The following UBQLN1 variants were observed in gnomAD, a reference collection of about 807,000 sequenced individuals.
UBQLN1 encodes the protein ubiquilin-1.
Under a neutral mutation model 65.4 loss-of-function variants are expected in UBQLN1, and 13 were observed. That is an observed-to-expected ratio of 0.20 (90% CI 0.13 to 0.32). The LOEUF (loss-of-function observed/expected upper bound fraction) is 0.32, where lower values mean the gene tolerates loss of function less well. UBQLN1 is among the 10% of genes least tolerant of loss of function. The pLI is 1.00. For missense variants in UBQLN1, 561 were observed against 724.0 expected (o/e 0.77, Z 2.58); for synonymous variants, 267 against 247.8 (o/e 1.08, Z -0.73).
chr9:83,703,883 T>C (rs901366757), intron 1 of UBQLN1, among the ~76,000 whole-genome samples: 1 of 152,088 alleles, frequency 6.6e-6, no homozygotes, highest in Admixed American at 6.5e-5. Context: ...AATGGAAAAA[T>C]AGGAAAATAA....
chr9:83,665,509 A>C (rs920475353), intron 8 of UBQLN1: 9 of 175,436 alleles, frequency 5.1e-5, no homozygotes, highest in Non-Finnish European at 1.1e-4. Context: ...AAAAAGCCAC[A>C]TATTCCACCT....
At chr9:83,684,819 A>C (rs1476155245) in intron 2 of UBQLN1, among the ~76,000 whole-genome samples, 1 of 151,320 alleles carries the variant, frequency 6.6e-6, no homozygotes, top group African/African-American at 2.4e-5. Flanking sequence ...TCAAAAAAAA[A>C]AAAAAAAAAG....
intron 7 of UBQLN1, chr9:83,668,330 G>A (rs1831675805): frequency 1.0e-6 from 1 of 985,020 alleles, no homozygotes; most frequent in African/African-American, 1.7e-5. Flanking sequence ...AAAATTTAAG[G>A]GATGAGATTA....
At chr9:83,698,789 T>G (rs1832263691) in intron 1 of UBQLN1, among the ~76,000 whole-genome samples, 2 of 152,060 alleles carry the variant, frequency 1.3e-5, no homozygotes, top group Non-Finnish European at 2.9e-5. Context: ...GATGTGAGCT[T>G]GCAGTCCCAG....
At chr9:83,707,446 G>A (rs562973234) in intron 1 of UBQLN1, 54 bp downstream of exon 1, 2 of 1,534,312 alleles carry the variant, frequency 1.3e-6, no homozygotes, top group African/African-American at 2.8e-5. Context: ...CTGGGGCGGC[G>A]GGCGGAGGTC....
At chr9:83,686,393 AAAAACAAAAC>A (rs1832040836) in intron 1 of UBQLN1, among the ~76,000 whole-genome samples, 1 of 152,172 alleles carries the variant, frequency 6.6e-6, no homozygotes, top group South Asian at 2.1e-4. Flanking sequence ...TCCCGCCTCT[AAAAACAAAAC>A]AAAACAAAAA....
intron 5 of UBQLN1, 42 bp from the exon 6 acceptor site, chr9:83,678,003 G>C: frequency 8.4e-7 from 1 of 1,190,552 alleles, no homozygotes; most frequent in Non-Finnish European, 1.2e-6. Context: ...ATAAGCTTTT[G>C]TTTTAAATAA....
chr9:83,664,851 C>T (rs539427186), intron 9 of UBQLN1, among the ~76,000 whole-genome samples, 179 bp downstream of exon 9: 3 of 142,272 alleles, frequency 2.1e-5, no homozygotes, highest in South Asian at 4.5e-4. Flanking sequence ...CCCGAGAGGT[C>T]GAGGCTGCAG....
intron 1 of UBQLN1, among the ~76,000 whole-genome samples, chr9:83,689,166 TATAAC>T (rs1832087657): frequency 6.6e-6 from 1 of 152,230 alleles, no homozygotes; most frequent in Non-Finnish European, 1.5e-5. Context: ...AATGCAATAT[TATAAC>T]ATATGGTCTT....
intron 3 of UBQLN1, 54 bp downstream of exon 3, chr9:83,682,897 G>A (rs1831968305): frequency 7.4e-6 from 7 of 941,448 alleles, no homozygotes; most frequent in Admixed American, 4.6e-5. Context: ...AACTACCCAG[G>A]AAGGGAAAGG....
intron 7 of UBQLN1, chr9:83,667,965 T>G: frequency 1.0e-6 from 1 of 985,304 alleles, no homozygotes; most frequent in Non-Finnish European, 1.2e-6. Context: ...TTTACTAAAG[T>G]AAGATTATTA....
chr9:83,697,551 C>CAAAA lies in UBQLN1; in HGVS notation c.180+9945_180+9948dup, dbSNP rs750268209. Among the ~76,000 whole-genome samples the CAAAA allele has an allele frequency of 2.0e-3, 69 of 34,466 alleles. 8 individuals carry two copies. The highest frequency in any genetic ancestry group is 2.8e-3 in the African/African-American group (25 of 9,034). The allele number at this position is 34,466 out of a possible 152,430, so 22.6% of individuals were successfully genotyped here. On this transcript the variant is annotated intron_variant, in intron 1 of 10. Transcript: ENST00000376395. Reference sequence around the variant, plus strand: ...GGGGCAACAGTGCAAGACACTGTCTCAAAAAAAAAAAAAAAAAAAAAAAAA... The same window carrying CAAAA: ...GGGGCAACAGTGCAAGACACTGTCTCAAAAAAAAAAAAAAAAAAAAAAAAAAAAA...
chr9:83,671,545 C>T (rs1831730852), intron 6 of UBQLN1, among the ~76,000 whole-genome samples: 1 of 152,174 alleles, frequency 6.6e-6, no homozygotes, highest in Non-Finnish European at 1.5e-5. Context: ...TGGGTGACTA[C>T]ATGCACTGTC....
At chr9:83,674,353 T>C (rs1042302122) in intron 6 of UBQLN1, among the ~76,000 whole-genome samples, 6 of 152,132 alleles carry the variant, frequency 3.9e-5, no homozygotes, top group Non-Finnish European at 8.8e-5. Context: ...ACAACATATA[T>C]AAGCACTGCC....
intron 1 of UBQLN1, among the ~76,000 whole-genome samples, chr9:83,701,827 A>C (rs1205410072): frequency 3.3e-5 from 5 of 152,176 alleles, no homozygotes; most frequent in Non-Finnish European, 7.3e-5. Flanking sequence ...ACCCAAGAAA[A>C]ATGAAAACGT....
Position 83,660,386 on chromosome 9 carries a change from A to T in UBQLN1, c.*1401T>A, listed in dbSNP as rs888951287. 3.9e-5 allele frequency: 6 copies of T among 152,680 alleles called. No individual in the cohort carries two copies. The highest frequency in any genetic ancestry group is 1.4e-4 in the African/African-American group (6 of 41,468). 9.5% of individuals were successfully genotyped at this position (152,680 alleles called of 1,614,324 possible). A position where few individuals can be genotyped will look rare whatever the true frequency, so the allele number is the denominator to read the frequency against. On this transcript the variant is annotated 3_prime_UTR_variant, in exon 11 of 11. Transcript: ENST00000376395. ...ATCACCTAAGAGAATACTGAACCAG[A>T]GTCAGCCAAATGTATCACTGACCCT...
intron 1 of UBQLN1, among the ~76,000 whole-genome samples, chr9:83,698,693 C>T (rs1211871104): frequency 1.3e-5 from 2 of 152,058 alleles, no homozygotes; most frequent in African/African-American, 2.4e-5. Flanking sequence ...GGGGGCAGAT[C>T]GCTTGAGCTC....
Position 83,666,287 on chromosome 9 carries a change from T to C in UBQLN1, c.1332+63A>G, listed in dbSNP as rs1831642037. ...AGCCAGAGAAGAGCAAGGAAAAATG[T>C]TTATCATCAAATTTTTTCAAGCAAA... On this transcript the variant is annotated intron_variant, in intron 8 of 10. Coordinates refer to ENST00000376395, the MANE Select transcript of UBQLN1 (RefSeq NM_013438.5). The C allele has an allele frequency of 2.6e-6, 4 of 1,520,418 alleles. No individual in the cohort carries two copies. The Admixed American group carries it at 6.7e-5, about 25-fold the overall frequency. 94.2% of individuals were successfully genotyped at this position (1,520,418 alleles called of 1,614,324 possible).
chr9:83,666,475 G>A (rs765593628), intron 7 of UBQLN1, 42 bp from the exon 8 acceptor site: 1 of 1,582,190 alleles, frequency 6.3e-7, no homozygotes, highest in East Asian at 2.2e-5. Flanking sequence ...GGAAATATCT[G>A]AAACAAGTAA....
Sources: gnomAD v4.1 joint callset for allele counts (sites outside exome capture counted in the v4.1 genomes callset) on GRCh38, gnomAD v4.1.1 for gene constraint, MANE v1.5 for transcripts, NCBI Gene and HGNC (gene_info 2026-07-23, HGNC 2026-07-21) for gene names.